CLIC5: variants seen among roughly 807,000 people sequenced by gnomAD.
CLIC5 encodes CLIC family member 5.
CLIC5 carries 20 observed loss-of-function variants against 24.7 expected under a neutral mutation model. That is an observed-to-expected ratio of 0.81 (90% CI 0.57 to 1.18). CLIC5 has a LOEUF of 1.18. Among genes scored for constraint, CLIC5 ranks in the 50% most tolerant of loss-of-function variants. CLIC5 has a pLI of 0.00. For synonymous variants in CLIC5, 159 were observed against 135.6 expected, an observed-to-expected ratio of 1.17 and a Z score of -1.20; for missense variants, 341 against 326.1, an observed-to-expected ratio of 1.05 and a Z score of -0.35.
chr6:46,003,940 A>T (rs1766448813), intron 1 of CLIC5, among the ~76,000 whole-genome samples: 1 of 152,176 alleles, frequency 6.6e-6, no homozygotes, highest in Non-Finnish European at 1.5e-5. Context: ...CCCCTGACAA[A>T]TCACCTGGTA....
chr6:45,968,383 T>G (rs559673991), intron 1 of CLIC5, among the ~76,000 whole-genome samples: 1 of 152,328 alleles, frequency 6.6e-6, no homozygotes, highest in Non-Finnish European at 1.5e-5. Context: ...ATAGTGGGGT[T>G]GCAGGTGTCT....
At chr6:46,009,510 C>T (rs771048437) in intron 1 of CLIC5, among the ~76,000 whole-genome samples, 87 of 152,122 alleles carry the variant, frequency 5.7e-4, no homozygotes, top group Non-Finnish European at 1.8e-4. Flanking sequence ...CATGCTTAAC[C>T]ACTTTGCATC....
intron 6 of CLIC5, among the ~76,000 whole-genome samples, chr6:45,888,989 A>G (rs1762327588): frequency 6.6e-6 from 1 of 151,874 alleles, no homozygotes; most frequent in Non-Finnish European, 1.5e-5. Context: ...GAGGGAGACT[A>G]ATCAAGTTGA....
intron 1 of CLIC5, among the ~76,000 whole-genome samples, chr6:46,000,747 T>C (rs903760114): frequency 3.9e-5 from 6 of 152,088 alleles, no homozygotes; most frequent in Non-Finnish European, 7.4e-5. Flanking sequence ...TCACTCACTA[T>C]CACGAGAACA....
chr6:46,035,307 T>C (rs1767629124), intron 1 of CLIC5, among the ~76,000 whole-genome samples: 2 of 152,172 alleles, frequency 1.3e-5, no homozygotes, highest in Admixed American at 1.3e-4. Flanking sequence ...AAAAAGAAAC[T>C]AAGAGAGCAG....
At chr6:45,963,765 C>G (rs1764928276) in intron 1 of CLIC5, among the ~76,000 whole-genome samples, 1 of 152,144 alleles carries the variant, frequency 6.6e-6, no homozygotes, top group Non-Finnish European at 1.5e-5. Flanking sequence ...GCCTATCTCA[C>G]TGCAATGTCA....
chr6:46,017,704 T>C (rs1338275199), upstream of CLIC5, among the ~76,000 whole-genome samples: 4 of 152,076 alleles, frequency 2.6e-5, no homozygotes, highest in East Asian at 1.9e-4. Context: ...GAAGGAGCTA[T>C]ACAAGCTGTC....
chr6:46,078,162 C>T (rs915225338), intron 1 of CLIC5, among the ~76,000 whole-genome samples: 3 of 152,028 alleles, frequency 2.0e-5, no homozygotes, highest in Non-Finnish European at 1.5e-5. Context: ...GAGTTTGAGA[C>T]CAGCCTGGCC....
At chr6:45,969,574 G>A (rs944775116) in intron 1 of CLIC5, among the ~76,000 whole-genome samples, 1 of 151,840 alleles carries the variant, frequency 6.6e-6, no homozygotes, top group African/African-American at 2.4e-5. Context: ...GAATGGAGAT[G>A]GCTGAAATCT....
chr6:45,939,720 A>G (rs992821869), intron 4 of CLIC5, among the ~76,000 whole-genome samples: 42 of 152,056 alleles, frequency 2.8e-4, no homozygotes, highest in African/African-American at 9.2e-4. Flanking sequence ...AGCTCACTGC[A>G]GCTTCGACCT....
chr6:45,906,564 CT>C (rs35362216), intron 5 of CLIC5, among the ~76,000 whole-genome samples: 37,318 of 141,474 alleles, frequency 0.26, 4,755 homozygotes, highest in Middle Eastern at 0.35. Context: ...TGTACATTGA[CT>C]TTTTTTTTTT....
intron 3 of CLIC5, among the ~76,000 whole-genome samples, chr6:45,942,322 TAG>T (rs1470501321): frequency 6.6e-6 from 1 of 152,174 alleles, no homozygotes; most frequent in Non-Finnish European, 1.5e-5. Flanking sequence ...CTCTCTTTCG[TAG>T]AGTCTTTCAT....
intron 1 of CLIC5, among the ~76,000 whole-genome samples, chr6:46,057,239 A>G (rs1227794265): frequency 1.3e-5 from 2 of 152,160 alleles, no homozygotes; most frequent in Non-Finnish European, 2.9e-5. Flanking sequence ...ACCCAGGGGG[A>G]GGTAATTCAA....
intron 1 of CLIC5, among the ~76,000 whole-genome samples, chr6:45,983,543 C>T (rs997835913): frequency 7.9e-5 from 12 of 152,096 alleles, no homozygotes; most frequent in Non-Finnish European, 4.4e-5. Flanking sequence ...CATATCACGG[C>T]CTTAGGAGTT....
intron 4 of CLIC5, among the ~76,000 whole-genome samples, chr6:45,916,378 C>A (rs1032513035): frequency 6.6e-6 from 1 of 152,190 alleles, no homozygotes; most frequent in African/African-American, 2.4e-5. Context: ...GGGTACTAAA[C>A]AATGCTTATT....
the CLIC5 span, among the ~76,000 whole-genome samples, chr6:46,086,412 G>A: frequency 2.6e-5 from 4 of 152,334 alleles, no homozygotes; most frequent in South Asian, 2.1e-4. Context: ...TGTCTTAAGT[G>A]ATAGATAAGT....
intron 4 of CLIC5, among the ~76,000 whole-genome samples, chr6:45,938,467 G>A (rs1285510204): frequency 3.3e-5 from 5 of 152,206 alleles, no homozygotes; most frequent in African/African-American, 1.2e-4. Flanking sequence ...AATGTGTGGT[G>A]TCTTGTTAAA....
chr6:45,987,699 G>A (rs146882276), intron 1 of CLIC5, among the ~76,000 whole-genome samples: 119 of 152,244 alleles, frequency 7.8e-4, no homozygotes, highest in African/African-American at 2.7e-3. Flanking sequence ...GCTGCCTTCC[G>A]GCTCTGTCCT....
Position 46,015,413 on chromosome 6 carries a change from C to G in CLIC5, c.63+67G>C, listed in dbSNP as rs572968639. 7.9e-5 allele frequency: 113 copies of G among 1,428,826 alleles called. No individual in the cohort carries two copies. The South Asian group carries it at 1.5e-3, about 18-fold the overall frequency. The allele number at this position is 1,428,826 out of a possible 1,614,324, so 88.5% of individuals were successfully genotyped here. On this transcript the variant is annotated intron_variant, in intron 1 of 5. Transcript: ENST00000339561. ...GGAGGGTCCGGAGTCCAGCGCACCC[C>G]GAGCCCTGGTGGGTGAGCCCGGCGG...
Sources: allele counts gnomAD v4.1 joint callset (sites outside exome capture counted in the v4.1 genomes callset), GRCh38; gene constraint gnomAD v4.1.1; transcripts MANE v1.5; gene names NCBI Gene and HGNC (gene_info 2026-07-23, HGNC 2026-07-21).